Variants in MAPK10 observed in about 807,000 individuals in gnomAD.
MAPK10 encodes JNK3 alpha protein kinase.
Under a neutral mutation model 59.3 loss-of-function variants are expected in MAPK10, and 25 were observed. The observed-to-expected ratio is 0.42, with a 90% CI of 0.31 to 0.59. The LOEUF (loss-of-function observed/expected upper bound fraction) is 0.59. Ranked by LOEUF, MAPK10 falls within the 20% of genes least tolerant of loss-of-function variation. MAPK10 has a pLI of 0.15. For missense variants in MAPK10, 351 were observed against 568.9 expected, an observed-to-expected ratio of 0.62 and a Z score of 3.90; for synonymous variants, 190 against 200.5, an observed-to-expected ratio of 0.95 and a Z score of 0.44.
chr4:86,197,377 T>C (rs1439404252), intron 2 of MAPK10, among the ~76,000 whole-genome samples: 1 of 152,190 alleles, frequency 6.6e-6, no homozygotes, highest in Non-Finnish European at 1.5e-5. Context: ...TATTGGTGTA[T>C]AGGAATGCTT....
intron 1 of MAPK10, among the ~76,000 whole-genome samples, chr4:86,493,165 C>T (rs979556295): frequency 2.6e-5 from 4 of 152,270 alleles, no homozygotes; most frequent in Admixed American, 2.6e-4. Flanking sequence ...CTGTACGTCA[C>T]TTTTTTTGTC....
At position 86,016,397 on chromosome 4, in the gene MAPK10, G is replaced by A. The variant is rs1252187362; in HGVS notation, c.*831C>T. On this transcript the variant is annotated 3_prime_UTR_variant, in exon 14 of 14. Coordinates refer to ENST00000641462, the MANE Select transcript of MAPK10 (RefSeq NM_138982.4). ...CTTTTATTCACACCTGCCTTCAGAA[G>A]GCCAAACCATTTTGTGCCTGAAAAC... 1.3e-5 allele frequency: 2 copies of A among 152,514 alleles called. No individual in the cohort carries two copies. Among genetic ancestry groups the A allele is most frequent in the Non-Finnish European group, 2.9e-5 (2 of 68,054 alleles). 9.4% of individuals were successfully genotyped at this position (152,514 alleles called of 1,614,324 possible). A position where few individuals can be genotyped will look rare whatever the true frequency, so the allele number is the denominator to read the frequency against.
chr4:86,401,029 A>T (rs1743642123), intron 1 of MAPK10, among the ~76,000 whole-genome samples: 1 of 152,168 alleles, frequency 6.6e-6, no homozygotes, highest in Non-Finnish European at 1.5e-5. Flanking sequence ...AAAATTACAA[A>T]TTAGTGGTCT....
chr4:86,544,157 C>T (rs1000951451), intron 1 of MAPK10, among the ~76,000 whole-genome samples: 19 of 152,224 alleles, frequency 1.2e-4, no homozygotes, highest in Non-Finnish European at 2.4e-4. Flanking sequence ...TTTTTTTCCA[C>T]AAGAGATTAA....
At chr4:86,196,356 G>A (rs753118265) in intron 2 of MAPK10, among the ~76,000 whole-genome samples, 1 of 152,104 alleles carries the variant, frequency 6.6e-6, no homozygotes, top group African/African-American at 2.4e-5. Context: ...CTGCATAAAT[G>A]ACTTCTTTTG....
At chr4:86,139,226 T>C (rs893065696) in intron 4 of MAPK10, among the ~76,000 whole-genome samples, 16 of 147,280 alleles carry the variant, frequency 1.1e-4, no homozygotes, top group South Asian at 2.2e-4. Flanking sequence ...CATCGCCAAG[T>C]CAATCCTAAG....
chr4:86,313,654 C>A (rs1387942282), intron 2 of MAPK10, among the ~76,000 whole-genome samples: 1 of 152,064 alleles, frequency 6.6e-6, no homozygotes, highest in African/African-American at 2.4e-5. Flanking sequence ...CAGTTTAAAA[C>A]CACAATAAGA....
At chr4:86,572,585 A>G (rs1761544319) in intron 1 of MAPK10, among the ~76,000 whole-genome samples, 1 of 152,114 alleles carries the variant, frequency 6.6e-6, no homozygotes, top group Non-Finnish European at 1.5e-5. Flanking sequence ...CCTTACTTAT[A>G]AAATACAGGT....
intron 1 of MAPK10, among the ~76,000 whole-genome samples, chr4:86,436,780 T>C (rs1471013801): frequency 1.3e-5 from 2 of 152,176 alleles, no homozygotes; most frequent in Non-Finnish European, 2.9e-5. Context: ...TATATCTTCC[T>C]TCCCAATACC....
intron 1 of MAPK10, among the ~76,000 whole-genome samples, chr4:86,420,903 G>C (rs1467674705): frequency 1.3e-5 from 2 of 152,032 alleles, no homozygotes; most frequent in African/African-American, 4.8e-5. Context: ...CCAACAAGGG[G>C]AAACCCCATC....
chr4:86,533,652 C>T (rs1402675895), intron 1 of MAPK10, among the ~76,000 whole-genome samples: 4 of 152,170 alleles, frequency 2.6e-5, no homozygotes, highest in African/African-American at 9.7e-5. Context: ...AGTGATCCTC[C>T]AACCTTAGTC....
rs533286231 is a variant in MAPK10 at position 86,274,684 on chromosome 4, A to G, written c.-7+79846T>C. ...TGTTCAGCCTCTAAAGATGATGCCA[A>G]TCTGCATGGTAAACTGATTAGGCAG... On this transcript the variant is annotated intron_variant, in intron 2 of 13. Transcript: ENST00000641462. Among the ~76,000 whole-genome samples, 23 of 152,108 alleles carry G rather than the reference A, an allele frequency of 1.5e-4. No individual in the cohort carries two copies. The South Asian group carries it at 3.9e-3, about 26-fold the overall frequency.
chr4:86,127,888 C>A (rs911638804), intron 4 of MAPK10, among the ~76,000 whole-genome samples: 1 of 151,924 alleles, frequency 6.6e-6, no homozygotes, highest in Non-Finnish European at 1.5e-5. Context: ...CAATGTGAAA[C>A]TTAGGGAAGC....
intron 1 of MAPK10, among the ~76,000 whole-genome samples, chr4:86,395,879 T>A (rs988004938): frequency 6.6e-6 from 1 of 152,126 alleles, no homozygotes; most frequent in African/African-American, 2.4e-5. Flanking sequence ...TATGGCCTCA[T>A]CTAAACTTAA....
chr4:86,208,165 G>A (rs1272590167), intron 2 of MAPK10, among the ~76,000 whole-genome samples: 3 of 152,050 alleles, frequency 2.0e-5, no homozygotes, highest in East Asian at 3.9e-4. Context: ...GAGGTACAAG[G>A]AGGAATTGGT....
intron 4 of MAPK10, among the ~76,000 whole-genome samples, chr4:86,130,394 T>A (rs2149137639): frequency 6.6e-6 from 1 of 152,244 alleles, no homozygotes; most frequent in African/African-American, 2.4e-5. Flanking sequence ...CAAAGAACTA[T>A]ACCATATTGA....
At chr4:86,541,988 CACAG>C (rs1306422568) in intron 1 of MAPK10, among the ~76,000 whole-genome samples, 6 of 139,218 alleles carry the variant, frequency 4.3e-5, no homozygotes, top group South Asian at 2.2e-4. Flanking sequence ...CACACACACA[CACAG>C]GTGGGGAAAA....
intron 2 of MAPK10, among the ~76,000 whole-genome samples, chr4:86,289,687 G>C (rs2095157212): frequency 6.7e-6 from 1 of 150,260 alleles, no homozygotes; most frequent in African/African-American, 2.4e-5. Context: ...ATATATAATA[G>C]TGCTATATCT....
chr4:86,052,560 G>A (rs945475612), intron 11 of MAPK10, among the ~76,000 whole-genome samples: 3 of 152,078 alleles, frequency 2.0e-5, no homozygotes, highest in Non-Finnish European at 2.9e-5. Flanking sequence ...TCAGTGCTGG[G>A]TAGTGAGCTC....
Sources: allele counts gnomAD v4.1 joint callset (sites outside exome capture counted in the v4.1 genomes callset), GRCh38; gene constraint gnomAD v4.1.1; transcripts MANE v1.5; gene names NCBI Gene and HGNC (gene_info 2026-07-23, HGNC 2026-07-21).